The following MIS18BP1 variants were observed in gnomAD, a reference collection of about 807,000 sequenced individuals.
MIS18BP1 encodes the protein mis18-binding protein 1.
Under a neutral mutation model 116.1 loss-of-function variants are expected in MIS18BP1, and 72 were observed. The observed-to-expected ratio is 0.62, with a 90% CI of 0.51 to 0.75. The LOEUF is 0.75. Among genes scored for constraint, MIS18BP1 ranks in the 30% least tolerant of loss-of-function variants. The pLI, the probability that MIS18BP1 is intolerant of heterozygous loss-of-function variation, is 0.00. For synonymous variants in MIS18BP1, 386 were observed against 427.0 expected, an observed-to-expected ratio of 0.90 and a Z score of 1.18; for missense variants, 1,363 against 1,303.2, an observed-to-expected ratio of 1.05 and a Z score of -0.71.
chr14:45,228,593 CAACA>C (rs1483098512), intron 8 of MIS18BP1, among the ~76,000 whole-genome samples: 5 of 152,062 alleles, frequency 3.3e-5, no homozygotes, highest in East Asian at 1.9e-4. Flanking sequence ...AATATATGCT[CAACA>C]AACAGTTACT....
At position 45,246,908 on chromosome 14, in the gene MIS18BP1, G is replaced by C. The variant is rs199626897; in HGVS notation, c.379C>G (p.Gln127Glu). ...RMKEKVLRDK[Q>E]EQPSRNSSLL... ...CTACTGTTTCTTGATGGCTGTTCTT[G>C]CTTGTCACGCAGTACTTTTTCTTTC... is the stretch of plus-strand genomic sequence containing the variant. The change falls in exon 2 of 17, where the codon CAA becomes GAA. Residue 127 changes from glutamine to glutamate, a missense_variant. Coordinates refer to ENST00000310806, the MANE Select transcript of MIS18BP1 (RefSeq NM_018353.5). 110 of 1,608,306 alleles carry C rather than the reference G, an allele frequency of 6.8e-5. No individual in the cohort carries two copies. The East Asian group carries it at 2.5e-3, about 36-fold the overall frequency.
At chr14:45,209,563 C>T (rs997544319) in intron 14 of MIS18BP1, among the ~76,000 whole-genome samples, 7 of 152,168 alleles carry the variant, frequency 4.6e-5, no homozygotes, top group Admixed American at 2.0e-4. Context: ...AACTCCTGGG[C>T]TCAAGTGATC....
intron 13 of MIS18BP1, among the ~76,000 whole-genome samples, chr14:45,210,933 G>C (rs903415563): frequency 6.6e-6 from 1 of 152,150 alleles, no homozygotes; most frequent in African/African-American, 2.4e-5. Flanking sequence ...CCCAAGAGAT[G>C]GCTTCTGCTC....
At chr14:45,212,083 TG>T (rs1157785356) in intron 13 of MIS18BP1, among the ~76,000 whole-genome samples, 2 of 152,194 alleles carry the variant, frequency 1.3e-5, no homozygotes, top group Non-Finnish European at 2.9e-5. Flanking sequence ...CTCAGGGCTT[TG>T]CTCACATTGG....
intron 5 of MIS18BP1, among the ~76,000 whole-genome samples, chr14:45,236,466 ATTC>A (rs1421045810): frequency 6.6e-6 from 1 of 152,230 alleles, no homozygotes; most frequent in African/African-American, 2.4e-5. Flanking sequence ...CCATAAATCT[ATTC>A]TTTATATTTC....
At chr14:45,225,232 AT>A (rs1193076333) in intron 10 of MIS18BP1, among the ~76,000 whole-genome samples, 1 of 152,078 alleles carries the variant, frequency 6.6e-6, no homozygotes, top group African/African-American at 2.4e-5. Flanking sequence ...ACTTGTACAC[AT>A]TCCCTACACT....
chr14:45,212,445 A>G (rs111762742), intron 13 of MIS18BP1, among the ~76,000 whole-genome samples: 291 of 152,232 alleles, frequency 1.9e-3, no homozygotes, highest in Non-Finnish European at 3.6e-3. Context: ...AAGGAATGAG[A>G]GGGCCTCCCC....
At chr14:45,209,505 T>A (rs1047472156) in intron 14 of MIS18BP1, among the ~76,000 whole-genome samples, 16 of 150,198 alleles carry the variant, frequency 1.1e-4, no homozygotes, top group African/African-American at 2.9e-4. Context: ...CATTTTTGGG[T>A]TTTTTTTGTA....
rs1218394908 is a variant in MIS18BP1, at chr14:45,247,215, T to G, written c.72A>C (p.Leu24=). The stretch of plus-strand genomic sequence containing the variant: ...TGTCAAAAAAGATTGCATCCATGGG[T>G]AGATTTCTCCTTTGAGAAGATGCCT... ...PPEASSQRRN[L]PMDAIFFDSI... The change falls in exon 2 of 17, where the codon CTA becomes CTC. Residue 24 remains leucine (L), a synonymous_variant. Transcript: ENST00000310806. 6.2e-7 allele frequency: 1 copy of G among 1,612,230 alleles called. No individual in the cohort carries two copies. The highest frequency in any genetic ancestry group is 1.1e-5 in the South Asian group (1 of 90,806).
At chr14:45,234,084 G>C (rs1891359057) in intron 6 of MIS18BP1, among the ~76,000 whole-genome samples, 1 of 152,134 alleles carries the variant, frequency 6.6e-6, no homozygotes, top group Admixed American at 6.5e-5. Flanking sequence ...TATGGTATTA[G>C]AGAAGCTAAG....
In MIS18BP1 at chr14:45,223,974, T is replaced by G; in HGVS notation, c.2613A>C (p.Leu871Phe). ...DKTNRHPLECLPGLIQDKEWN... is the reference protein window; with the variant it reads ...DKTNRHPLECFPGLIQDKEWN... ...ATTCCTTATCCTGAATTAAACCAGG[T>G]AAGCATTCTAAGGGATGCCTATTTG... The change falls in exon 11 of 17, where the codon TTA becomes TTC. Residue 871 changes from leucine (L) to phenylalanine (F), a missense_variant. Physicochemically the swap from Leu to Phe is conservative, Grantham distance 22. Coordinates refer to ENST00000310806, the MANE Select transcript of MIS18BP1 (RefSeq NM_018353.5). 1 of 1,606,756 alleles carries G rather than the reference T, an allele frequency of 6.2e-7. No individual in the cohort carries two copies.
At chr14:45,205,997 G>T in intron 15 of MIS18BP1, 86 bp downstream of exon 15, 1 of 806,914 alleles carries the variant, frequency 1.2e-6, no homozygotes, top group Non-Finnish European at 2.0e-6. Flanking sequence ...CAGGGACAGG[G>T]ACTGTTACAT....
chr14:45,246,763 G>A lies in MIS18BP1; in HGVS notation c.524C>T (p.Ser175Leu), dbSNP rs369649514. 8.3e-6 allele frequency: 13 copies of A among 1,571,648 alleles called. No homozygotes were observed. The African/African-American group carries it at 1.4e-4, about 17-fold the overall frequency. The part of the protein sequence containing the change: ...EEKENNKSFQ[S>L]DDSSLRASVQ... Reference sequence around the variant, plus strand: ...CTAACCTCTTAGTGAACTGTCATCTGACTGGAATGATTTGTTGTTTTCCTT... The same window carrying A: ...CTAACCTCTTAGTGAACTGTCATCTAACTGGAATGATTTGTTGTTTTCCTT... The change falls in exon 2 of 17, where the codon TCA (serine) becomes TTA (leucine). Residue 175 changes from serine (S) to leucine (L), a missense_variant. Physicochemically the swap from Ser to Leu is moderately radical, Grantham distance 145. Transcript: ENST00000310806.
chr14:45,243,169 A>G (rs1022339052), intron 2 of MIS18BP1, among the ~76,000 whole-genome samples: 1 of 152,166 alleles, frequency 6.6e-6, no homozygotes, highest in South Asian at 2.1e-4. Context: ...AAACCTAGAG[A>G]TCTGAAATTC....
chr14:45,236,303 G>T (rs1891427241), intron 5 of MIS18BP1, among the ~76,000 whole-genome samples: 1 of 152,120 alleles, frequency 6.6e-6, no homozygotes, highest in Non-Finnish European at 1.5e-5. Context: ...GGTCTATACT[G>T]TGTTAGCTTT....
At position 45,224,556 on chromosome 14, in the gene MIS18BP1, T is replaced by C; in HGVS notation, c.2031A>G (p.Ala677=). 1 of 1,612,820 alleles carries C rather than the reference T, an allele frequency of 6.2e-7. No homozygotes were observed. Among genetic ancestry groups the C allele is most frequent in the Non-Finnish European group, 8.5e-7 (1 of 1,179,680 alleles). ...RYNLSAGTIK[A]VTDFVIPECQ... is the part of the protein sequence containing the mutation. ...ACTCTGGTATTACAAAATCTGTTACTGCTTTGATGGTGCCAGCGGACAGAT... is the reference window on the plus strand; with the variant it reads ...ACTCTGGTATTACAAAATCTGTTACCGCTTTGATGGTGCCAGCGGACAGAT... Residue 677 remains alanine, a synonymous_variant, in exon 11 of 17, where the codon GCA becomes GCG. Coordinates refer to ENST00000310806, the MANE Select transcript of MIS18BP1 (RefSeq NM_018353.5).
At position 45,206,147 on chromosome 14, in the gene MIS18BP1, A is replaced by G; in HGVS notation, c.3176T>C (p.Phe1059Ser). The G allele has an allele frequency of 6.2e-7, 1 of 1,607,472 alleles. No homozygotes were observed. The highest frequency in any genetic ancestry group is 8.5e-7 in the Non-Finnish European group (1 of 1,175,098). ...INRNDCDKYV[F>S]RMQKYHKSNG... is the part of the protein sequence containing the mutation. ...ACTTTTATGATATTTTTGCATACGA[A>G]AAACATATTTATCACAGTCATTCCT... The change falls in exon 15 of 17, where the codon TTT (phenylalanine) becomes TCT (serine). Residue 1059 changes from phenylalanine to serine, a missense_variant. Physicochemically the swap from Phe to Ser is radical, Grantham distance 155. Transcript: ENST00000310806.
chr14:45,212,902 T>C (rs1305057041), intron 13 of MIS18BP1, among the ~76,000 whole-genome samples: 1 of 152,198 alleles, frequency 6.6e-6, no homozygotes, highest in Non-Finnish European at 1.5e-5. Flanking sequence ...AGTTAAACCA[T>C]GCTTCAAGTC....
Position 45,232,753 on chromosome 14 carries a change from A to T in MIS18BP1, c.1416T>A (p.Asp472Glu). 2 of 1,466,694 alleles carry T rather than the reference A, an allele frequency of 1.4e-6. No individual in the cohort carries two copies. Among genetic ancestry groups the T allele is most frequent in the Non-Finnish European group, 1.9e-6 (2 of 1,078,650 alleles). 90.9% of individuals were successfully genotyped at this position (1,466,694 alleles called of 1,614,324 possible). The change falls in exon 7 of 17, where the codon GAT becomes GAA. Residue 472 changes from aspartate (D) to glutamate (E), a missense_variant. Asp to Glu is a conservative substitution (Grantham distance 45, BLOSUM62 2). Transcript: ENST00000310806. ...TTTACCTTAATTGTTCCAGAAAATT[A>T]TCAATGTGCTCTTTCCAATTTTCTG... is the stretch of plus-strand genomic sequence containing the variant. ...GFPENWKEHI[D>E]NFLEQLRAGE... is the part of the protein sequence containing the mutation.
Sources: allele counts gnomAD v4.1 joint callset (sites outside exome capture counted in the v4.1 genomes callset), GRCh38; gene constraint gnomAD v4.1.1; transcripts MANE v1.5; gene names NCBI Gene and HGNC (gene_info 2026-07-23, HGNC 2026-07-21).